CRYBA1: variants seen among roughly 807,000 people sequenced by gnomAD.
CRYBA1 encodes crystallin beta A1.
A neutral mutation model predicts 36.2 loss-of-function variants in CRYBA1; 25 were observed. That is an observed-to-expected ratio of 0.69 (90% confidence interval 0.50 to 0.97). The LOEUF (loss-of-function observed/expected upper bound fraction) is 0.97. CRYBA1 is among the 50% of genes least tolerant of loss of function. The pLI is 0.00. For missense variants in CRYBA1, 224 were observed against 276.3 expected (o/e 0.81, Z 1.34); for synonymous variants, 111 against 90.0 (o/e 1.23, Z -1.32).
chr17:29,246,980 A>G, intron 1 of CRYBA1, 86 bp downstream of exon 1: 1 of 1,413,742 alleles, frequency 7.1e-7, no homozygotes, highest in Non-Finnish European at 9.8e-7. Flanking sequence ...TCTCCTGCCT[A>G]GTGTGTAGAG....
chr17:29,253,383 A>G (rs539078848), intron 4 of CRYBA1, among the ~76,000 whole-genome samples: 54 of 152,320 alleles, frequency 3.5e-4, no homozygotes, highest in African/African-American at 1.3e-3. Context: ...TTTTGTTAGT[A>G]CTTTTTCTCA....
In CRYBA1 at chr17:29,254,474, A is replaced by C; in HGVS notation, c.*125A>C. ...TGTTAGCTGCTGAAATCCACAATAAACGTCATTTAAAAAAAAAAAACTTTG... is the reference window on the plus strand; with the variant it reads ...TGTTAGCTGCTGAAATCCACAATAACCGTCATTTAAAAAAAAAAAACTTTG... On this transcript the variant is annotated 3_prime_UTR_variant, in exon 6 of 6. Transcript: ENST00000225387. 1.1e-5 allele frequency: 11 copies of C among 1,032,732 alleles called. No homozygotes were observed. Among genetic ancestry groups the C allele is most frequent in the Non-Finnish European group, 1.5e-5 (10 of 688,808 alleles). 64.0% of individuals were successfully genotyped at this position (1,032,732 alleles called of 1,614,324 possible). A position where few individuals can be genotyped will look rare whatever the true frequency, so the allele number is the denominator to read the frequency against.
Position 29,250,197 on chromosome 17 carries a change from C to A in CRYBA1, c.112C>A (p.Gln38Lys). The A allele has an allele frequency of 6.3e-7, 1 of 1,595,662 alleles. No individual in the cohort carries two copies. Among genetic ancestry groups the A allele is most frequent in the South Asian group, 1.1e-5 (1 of 90,704 alleles). The change falls in exon 3 of 6, where the codon CAG becomes AAG. Residue 38 changes from glutamine (Q) to lysine (K), a missense_variant. Gln to Lys is a moderately conservative substitution (Grantham distance 53, BLOSUM62 1). Transcript: ENST00000225387. ...CTCATTTCAGATAACCATCTATGAT[C>A]AGGAGAACTTTCAGGGCAAGAGGAT... ...LGPWKITIYD[Q>K]ENFQGKRMEF...
rs1419833482 is a variant in CRYBA1 at position 29,254,345 on chromosome 17, A to C, written c.644A>C (p.Gln215Pro). 1 of 1,614,090 alleles carries C rather than the reference A, an allele frequency of 6.2e-7. No individual in the cohort carries two copies. The highest frequency in any genetic ancestry group is 1.3e-5 in the African/African-American group (1 of 74,936). The change falls in exon 6 of 6, where the codon CAG becomes CCG. Residue 215 changes from glutamine (Q) to proline (P), a missense_variant. Gln to Pro is a moderately conservative substitution (Grantham distance 76). Transcript: ENST00000225387. The part of the protein sequence containing the change: ...SQIQSIRRIQ[Q>P] ...ATCCAATCGATTCGCCGAATCCAAC[A>C]GTAGCTGATTAAAAGCTCCAAGTAC...
chr17:29,249,352 C>G, intron 2 of CRYBA1, 146 bp downstream of exon 2: 1 of 628,202 alleles, frequency 1.6e-6, no homozygotes. Context: ...CCAGTGCTGT[C>G]GAAGGAAGGA....
At chr17:29,252,256 G>T in intron 4 of CRYBA1, 51 bp downstream of exon 4, 1 of 1,609,700 alleles carries the variant, frequency 6.2e-7, no homozygotes, top group South Asian at 1.1e-5. Context: ...GGGACAAGAG[G>T]GTGTGGACAG....
chr17:29,253,897 A>G (rs2068951928), intron 5 of CRYBA1, 115 bp downstream of exon 5: 1 of 1,354,236 alleles, frequency 7.4e-7, no homozygotes, highest in African/African-American at 1.4e-5. Context: ...TTCTAGTTCT[A>G]CATAATTTTG....
At chr17:29,250,109 A>G in intron 2 of CRYBA1, 73 bp from the exon 3 acceptor site, 2 of 859,278 alleles carry the variant, frequency 2.3e-6, no homozygotes, top group Admixed American at 1.7e-5. Context: ...GTCAGACTGA[A>G]GTTAAGCTGT....
At chr17:29,253,562 G>A (rs2068948821) in intron 4 of CRYBA1, 78 bp from the exon 5 acceptor site, 2 of 1,226,088 alleles carry the variant, frequency 1.6e-6, no homozygotes, top group South Asian at 1.3e-5. Context: ...ATCCAAAAGT[G>A]TTTCAATTTT....
intron 3 of CRYBA1, among the ~76,000 whole-genome samples, chr17:29,251,231 G>C (rs1042469406): frequency 1.3e-5 from 2 of 152,092 alleles, no homozygotes; most frequent in African/African-American, 4.8e-5. Flanking sequence ...ATAGTCCAGG[G>C]GTGTCTAATC....
intron 1 of CRYBA1, among the ~76,000 whole-genome samples, chr17:29,248,811 T>TA (rs989031370): frequency 1.9e-4 from 29 of 151,730 alleles, no homozygotes; most frequent in African/African-American, 6.8e-4. Flanking sequence ...CTACTAAAAA[T>TA]ACAAAAACTA....
chr17:29,254,137 G>T, intron 5 of CRYBA1, 65 bp from the exon 6 acceptor site: 1 of 1,565,966 alleles, frequency 6.4e-7, no homozygotes, highest in South Asian at 1.1e-5. Flanking sequence ...AAGAGGCTCA[G>T]GTTTTGGGGT....
chr17:29,247,204 T>G (rs1370265027), intron 1 of CRYBA1, among the ~76,000 whole-genome samples: 1 of 152,040 alleles, frequency 6.6e-6, no homozygotes, highest in Non-Finnish European at 1.5e-5. Context: ...GAAAAATATA[T>G]TACAGAGTTG....
chr17:29,253,867 G>A (rs547103726), intron 5 of CRYBA1, 85 bp downstream of exon 5: 78 of 1,479,258 alleles, frequency 5.3e-5, no homozygotes, highest in South Asian at 2.7e-4. Flanking sequence ...GATTTCATAC[G>A]TATCGGTATA....
intron 5 of CRYBA1, among the ~76,000 whole-genome samples, 181 bp downstream of exon 5, chr17:29,253,963 G>C (rs1363315461): frequency 6.6e-6 from 1 of 152,142 alleles, no homozygotes. Context: ...ATCTCCCCCA[G>C]ACATGCCTCT....
Position 29,249,221 on chromosome 17 carries a change from A to G in CRYBA1, c.96+15A>G, listed in dbSNP as rs2068920682. The stretch of plus-strand genomic sequence containing the variant: ...GGCCATGGAAGGTAAGCCCACCCCC[A>G]TCACATCCAACAGGGCAGGGGTGAC... On this transcript the variant is annotated intron_variant, in intron 2 of 5. Coordinates refer to ENST00000225387, the MANE Select transcript of CRYBA1 (RefSeq NM_005208.5). 3 of 1,570,888 alleles carry G rather than the reference A, an allele frequency of 1.9e-6. No individual in the cohort carries two copies. The highest frequency in any genetic ancestry group is 2.6e-6 in the Non-Finnish European group (3 of 1,140,670).
chr17:29,247,131 C>T (rs772546953), intron 1 of CRYBA1, among the ~76,000 whole-genome samples: 4 of 152,216 alleles, frequency 2.6e-5, no homozygotes, highest in Non-Finnish European at 5.9e-5. Flanking sequence ...CCCCAAGAAA[C>T]GAGCAGGGAG....
chr17:29,249,787 T>C (rs752056217), intron 2 of CRYBA1, among the ~76,000 whole-genome samples: 18 of 152,202 alleles, frequency 1.2e-4, no homozygotes, highest in Non-Finnish European at 1.8e-4. Context: ...TAGGTTTCTA[T>C]AGGGGGTATG....
At chr17:29,246,916 C>T (rs372586390) in intron 1 of CRYBA1, 22 bp downstream of exon 1, 36 of 1,603,638 alleles carry the variant, frequency 2.2e-5, no homozygotes, top group Non-Finnish European at 2.9e-5. Flanking sequence ...CCTCAGGGTG[C>T]CCTTGCCCTT....
Sources: allele counts gnomAD v4.1 joint callset (sites outside exome capture counted in the v4.1 genomes callset), GRCh38; gene constraint gnomAD v4.1.1; transcripts MANE v1.5; gene names NCBI Gene and HGNC (gene_info 2026-07-23, HGNC 2026-07-21).